Variants in EFCAB6 observed in about 807,000 individuals in gnomAD.
EFCAB6 encodes the protein EF-hand calcium binding domain 6.
In EFCAB6, 156 loss-of-function variants were observed where a neutral mutation model predicts 169.8. That is an observed-to-expected ratio of 0.92 (90% CI 0.81 to 1.05). The LOEUF (loss-of-function observed/expected upper bound fraction) is 1.05. Among genes scored for constraint, EFCAB6 ranks in the 50% least tolerant of loss-of-function variants. The pLI is 0.00. For synonymous variants in EFCAB6, 698 were observed against 676.4 expected, an observed-to-expected ratio of 1.03 and a Z score of -0.50; for missense variants, 1,800 against 1,829.1, an observed-to-expected ratio of 0.98 and a Z score of 0.29.
At chr22:43,678,277 T>G in intron 12 of EFCAB6, 114 bp from the exon 13 acceptor site, 12 of 988,026 alleles carry the variant, frequency 1.2e-5, no homozygotes, top group South Asian at 1.7e-5. Context: ...CAAATAGAAT[T>G]ATGATTGGAA....
intron 10 of EFCAB6, among the ~76,000 whole-genome samples, chr22:43,699,119 G>A (rs2058678536): frequency 6.6e-6 from 1 of 152,146 alleles, no homozygotes; most frequent in South Asian, 2.1e-4. Flanking sequence ...TTCTTTGTCT[G>A]TTCATCTAGA....
chr22:43,810,084 GC>G (rs541681701), intron 1 of EFCAB6, among the ~76,000 whole-genome samples: 87 of 152,170 alleles, frequency 5.7e-4, no homozygotes, highest in South Asian at 1.2e-3. Flanking sequence ...TGACTTTGTT[GC>G]CTGGGCTGGT....
intron 22 of EFCAB6, among the ~76,000 whole-genome samples, chr22:43,603,390 C>G (rs989987272): frequency 2.0e-5 from 3 of 152,170 alleles, no homozygotes; most frequent in Non-Finnish European, 4.4e-5. Flanking sequence ...TCAAATGGTT[C>G]AGCAATAGAT....
At chr22:43,648,689 T>C (rs929277884) in intron 17 of EFCAB6, among the ~76,000 whole-genome samples, 14 of 152,304 alleles carry the variant, frequency 9.2e-5, no homozygotes, top group African/African-American at 3.4e-4. Context: ...AACCAGCACA[T>C]GTATTCCTTG....
rs537926754 is a variant in EFCAB6, at chr22:43,760,158, C to T, written c.441-4326G>A. On this transcript the variant is annotated intron_variant, in intron 5 of 31. Coordinates refer to ENST00000262726, the MANE Select transcript of EFCAB6 (RefSeq NM_022785.4). The stretch of plus-strand genomic sequence containing the variant: ...GGCAGAGGTTGCAGTGAGCTGAGAT[C>T]GCACCACTGCACTCCAGCCTGGGTG... Among the ~76,000 whole-genome samples the T allele has an allele frequency of 5.8e-3, 828 of 143,280 alleles. 2 individuals carry two copies. The highest frequency in any genetic ancestry group is 9.0e-3 in the Non-Finnish European group (602 of 66,996). 94.0% of individuals were successfully genotyped at this position (143,280 alleles called of 152,430 possible).
chr22:43,641,284 T>A (rs2055780587), intron 17 of EFCAB6, among the ~76,000 whole-genome samples: 1 of 152,120 alleles, frequency 6.6e-6, no homozygotes, highest in Non-Finnish European at 1.5e-5. Context: ...GAGCACCAAG[T>A]GGTCATTCAG....
intron 27 of EFCAB6, among the ~76,000 whole-genome samples, chr22:43,542,872 C>T (rs975082606): frequency 2.6e-5 from 4 of 152,124 alleles, no homozygotes; most frequent in East Asian, 1.9e-4. Flanking sequence ...GTGGGCAAGA[C>T]GCTGCTGGAC....
At chr22:43,588,025 C>T (rs1355168800) in intron 24 of EFCAB6, among the ~76,000 whole-genome samples, 1 of 152,196 alleles carries the variant, frequency 6.6e-6, no homozygotes, top group East Asian at 1.9e-4. Flanking sequence ...AAATTATTGT[C>T]TATCTTAAGT....
intron 12 of EFCAB6, among the ~76,000 whole-genome samples, chr22:43,682,456 T>C (rs1243681554): frequency 6.6e-6 from 1 of 152,022 alleles, no homozygotes; most frequent in Non-Finnish European, 1.5e-5. Context: ...GAAATGAAGG[T>C]TTCCCTATTT....
At chr22:43,677,124 A>G (rs1007373558) in intron 13 of EFCAB6, among the ~76,000 whole-genome samples, 5 of 152,242 alleles carry the variant, frequency 3.3e-5, no homozygotes, top group Non-Finnish European at 7.3e-5. Flanking sequence ...ACTATCTGAA[A>G]TTGATAAAGT....
intron 6 of EFCAB6, among the ~76,000 whole-genome samples, chr22:43,749,899 G>A (rs941385186): frequency 1.1e-4 from 16 of 152,140 alleles, no homozygotes; most frequent in African/African-American, 3.6e-4. Context: ...ATAACACTGA[G>A]AAAACCTTGC....
intron 19 of EFCAB6, among the ~76,000 whole-genome samples, chr22:43,631,735 A>T (rs1193789249): frequency 2.0e-5 from 3 of 152,082 alleles, no homozygotes; most frequent in Non-Finnish European, 4.4e-5. Flanking sequence ...ATTCTAGCAC[A>T]TAGTAAGTGT....
chr22:43,650,250 G>A (rs2056400904), intron 17 of EFCAB6, among the ~76,000 whole-genome samples: 1 of 152,160 alleles, frequency 6.6e-6, no homozygotes, highest in Non-Finnish European at 1.5e-5. Flanking sequence ...GGAGGCACCT[G>A]GTGGGAGGTA....
Position 43,608,466 on chromosome 22 carries a change from C to T in EFCAB6, c.2681+16G>A. Reference sequence around the variant, plus strand: ...TCCATAAGAATGGAAACCAACCAGTCTCACGTGCCACTTACCTTGCCCAAA... The same window carrying T: ...TCCATAAGAATGGAAACCAACCAGTTTCACGTGCCACTTACCTTGCCCAAA... On this transcript the variant is annotated intron_variant, in intron 22 of 31. Transcript: ENST00000262726. 6.2e-6 allele frequency: 10 copies of T among 1,612,470 alleles called. No individual in the cohort carries two copies. Among genetic ancestry groups the T allele is most frequent in the Non-Finnish European group, 8.5e-6 (10 of 1,178,702 alleles).
chr22:43,709,422 A>G (rs1237983473), intron 10 of EFCAB6, among the ~76,000 whole-genome samples: 1 of 152,172 alleles, frequency 6.6e-6, no homozygotes, highest in African/African-American at 2.4e-5. Flanking sequence ...TGTCTGATAT[A>G]GAAAGGCACT....
chr22:43,644,595 C>G (rs988041254), intron 17 of EFCAB6, among the ~76,000 whole-genome samples: 2 of 152,228 alleles, frequency 1.3e-5, no homozygotes, highest in African/African-American at 4.8e-5. Flanking sequence ...GTGCCTGACT[C>G]TAGGCCTTCA....
At chr22:43,692,875 C>T (rs1247314749) in intron 10 of EFCAB6, among the ~76,000 whole-genome samples, 1 of 152,136 alleles carries the variant, frequency 6.6e-6, no homozygotes, top group East Asian at 1.9e-4. Context: ...TATACATTTA[C>T]AGATTTAAGA....
At chr22:43,763,913 C>A (rs1379509015) in intron 5 of EFCAB6, among the ~76,000 whole-genome samples, 1 of 151,548 alleles carries the variant, frequency 6.6e-6, no homozygotes, top group Non-Finnish European at 1.5e-5. Flanking sequence ...CTGGGGCATG[C>A]CACCATGCTC....
chr22:43,669,133 G>A, intron 15 of EFCAB6, 88 bp from the exon 16 acceptor site: 4 of 1,251,136 alleles, frequency 3.2e-6, no homozygotes, highest in Non-Finnish European at 3.2e-6. Flanking sequence ...GAAGATGAAA[G>A]TAACTACAAC....
Sources: gnomAD v4.1 joint callset for allele counts (sites outside exome capture counted in the v4.1 genomes callset) on GRCh38, gnomAD v4.1.1 for gene constraint, MANE v1.5 for transcripts, NCBI Gene and HGNC (gene_info 2026-07-23, HGNC 2026-07-21) for gene names.